The following PCDHA7 variants were observed in gnomAD, a reference collection of about 807,000 sequenced individuals.
PCDHA7 encodes the protein protocadherin alpha-7.
A neutral mutation model predicts 57.2 loss-of-function variants in PCDHA7; 37 were observed. The ratio of observed to expected loss-of-function variants is 0.65; its 90% CI spans 0.50 to 0.85. The LOEUF (loss-of-function observed/expected upper bound fraction) is 0.85, where lower values mean the gene tolerates loss of function less well. Ranked by LOEUF, PCDHA7 falls within the 40% of genes least tolerant of loss-of-function variation. The pLI, the probability that PCDHA7 is intolerant of heterozygous loss-of-function variation, is 0.00. For synonymous variants in PCDHA7, 553 were observed against 558.8 expected, an observed-to-expected ratio of 0.99 and a Z score of 0.15; for missense variants, 1,188 against 1,241.8, an observed-to-expected ratio of 0.96 and a Z score of 0.65.
intron 3 of PCDHA7, among the ~76,000 whole-genome samples, chr5:141,004,121 C>T (rs1250923202): frequency 6.6e-6 from 1 of 152,230 alleles, no homozygotes; most frequent in Non-Finnish European, 1.5e-5. Flanking sequence ...AAGGGAGTAT[C>T]TCCATGATTC....
chr5:140,875,902 G>C (rs192382804), intron 1 of PCDHA7: 14 of 1,614,160 alleles, frequency 8.7e-6, no homozygotes, highest in Non-Finnish European at 1.2e-5. Flanking sequence ...ACCTGTTTCT[G>C]AATCTGCGCC....
intron 1 of PCDHA7, among the ~76,000 whole-genome samples, chr5:140,953,432 C>T (rs1292809968): frequency 6.6e-6 from 1 of 152,108 alleles, no homozygotes; most frequent in Non-Finnish European, 1.5e-5. Context: ...TGTCCTTAAG[C>T]TGGAGAAACT....
intron 1 of PCDHA7, among the ~76,000 whole-genome samples, chr5:140,890,587 G>T (rs2062701287): frequency 6.6e-6 from 1 of 151,988 alleles, no homozygotes; most frequent in African/African-American, 2.4e-5. Flanking sequence ...TTATTTGGAA[G>T]CCCTTTTCCG....
At chr5:140,967,803 C>T (rs1042188546) in intron 1 of PCDHA7, 3 of 1,614,066 alleles carry the variant, frequency 1.9e-6, no homozygotes, top group Admixed American at 3.3e-5. Flanking sequence ...GTGCCCATGG[C>T]AGGTCACTGC....
intron 3 of PCDHA7, 79 bp downstream of exon 3, chr5:140,982,642 G>T: frequency 6.5e-7 from 1 of 1,529,982 alleles, no homozygotes; most frequent in Non-Finnish European, 8.8e-7. Flanking sequence ...GATCAGGAAT[G>T]TTGATGGCTC....
intron 2 of PCDHA7, among the ~76,000 whole-genome samples, chr5:140,980,556 G>A (rs1355966555): frequency 6.6e-6 from 1 of 152,126 alleles, no homozygotes; most frequent in Non-Finnish European, 1.5e-5. Flanking sequence ...CTTGAACCCG[G>A]GAGGCGGAAG....
In PCDHA7 at chr5:140,879,424, A is replaced by T. The variant is rs181418893; in HGVS notation, c.2355+42686A>T. Reference sequence around the variant, plus strand: ...GTATTTGAGCAGGTAGGGAATGGAGATGAACATTTAAGAAAATGTTACTTT... The same window carrying T: ...GTATTTGAGCAGGTAGGGAATGGAGTTGAACATTTAAGAAAATGTTACTTT... On this transcript the variant is annotated intron_variant, in intron 1 of 3. Coordinates refer to ENST00000525929, the MANE Select transcript of PCDHA7 (RefSeq NM_018910.3). Among the ~76,000 whole-genome samples, 1,178 of 152,344 alleles carry T rather than the reference A, an allele frequency of 7.7e-3. 4 individuals carry two copies. The highest frequency in any genetic ancestry group is 0.013 in the Admixed American group (206 of 15,298).
At chr5:140,851,276 T>C in intron 1 of PCDHA7, 3 of 1,056,768 alleles carry the variant, frequency 2.8e-6, no homozygotes, top group Non-Finnish European at 3.5e-6. Context: ...TTGTATTGTT[T>C]ATAAGAAACC....
At position 140,909,620 on chromosome 5, in the gene PCDHA7, A is replaced by G. The variant is rs576090849; in HGVS notation, c.2356-69329A>G. On this transcript the variant is annotated intron_variant, in intron 1 of 3. Transcript: ENST00000525929. Reference sequence around the variant, plus strand: ...ATTTTTCTAGGTAGAGGCAGCTCTAATTGGTCTTCCTATTTTGTCTTTTCC... The same window carrying G: ...ATTTTTCTAGGTAGAGGCAGCTCTAGTTGGTCTTCCTATTTTGTCTTTTCC... Among the ~76,000 whole-genome samples the G allele has an allele frequency of 3.8e-4, 58 of 152,240 alleles. 2 individuals carry two copies. The Middle Eastern group carries it at 0.01, about 27-fold the overall frequency.
intron 1 of PCDHA7, chr5:140,883,793 T>C (rs782783912): frequency 6.2e-7 from 1 of 1,612,328 alleles, no homozygotes; most frequent in South Asian, 1.1e-5. Flanking sequence ...GAGCTACGTG[T>C]CGGTGCACGC....
In PCDHA7 at chr5:140,998,789, C is replaced by T. The variant is rs920510450; in HGVS notation, c.2504-10838C>T. On this transcript the variant is annotated intron_variant, in intron 3 of 3. Transcript: ENST00000525929. ...ATGTTGGTCAGGCTGGTCTGGAACC[C>T]CTGACCTCAGGTGATCTGCCTGCCT... 4.6e-5 allele frequency among the ~76,000 whole-genome samples: 7 copies of T among 152,118 alleles called. 1 individual carries two copies. Among genetic ancestry groups the T allele is most frequent in the Admixed American group, 2.6e-4 (4 of 15,262 alleles).
At chr5:140,909,574 T>G (rs1363183074) in intron 1 of PCDHA7, among the ~76,000 whole-genome samples, 1 of 152,134 alleles carries the variant, frequency 6.6e-6, no homozygotes, top group Non-Finnish European at 1.5e-5. Flanking sequence ...TCCAGAGATG[T>G]GATATGTTTT....
chr5:140,873,821 T>C (rs562633), intron 1 of PCDHA7, among the ~76,000 whole-genome samples: 2,262 of 152,230 alleles, frequency 0.015, 53 homozygotes, highest in African/African-American at 0.052. Context: ...CCACCACTCC[T>C]GGCTAATTTT....
chr5:140,924,105 C>T lies in PCDHA7; in HGVS notation c.2356-54844C>T, dbSNP rs140580566. ...AGGCAGAAAGAATAAATTTTCATTC[C>T]AAAGCAGTTAGCTTGCTTAGCAGCA... is the stretch of plus-strand genomic sequence containing the variant. On this transcript the variant is annotated intron_variant, in intron 1 of 3. Coordinates refer to ENST00000525929, the MANE Select transcript of PCDHA7 (RefSeq NM_018910.3). Among the ~76,000 whole-genome samples the T allele has an allele frequency of 8.5e-5, 13 of 152,262 alleles. No homozygotes were observed. The East Asian group carries it at 2.5e-3, about 29-fold the overall frequency.
chr5:140,856,332 G>A, intron 1 of PCDHA7: 2 of 1,598,636 alleles, frequency 1.3e-6, no homozygotes, highest in East Asian at 2.2e-5. Context: ...GAGGAGCTGT[G>A]CGGGCGGAGC....
chr5:140,916,051 G>A (rs2153537424), intron 1 of PCDHA7, among the ~76,000 whole-genome samples: 1 of 152,240 alleles, frequency 6.6e-6, no homozygotes, highest in African/African-American at 2.4e-5. Context: ...ACAGGCAGAG[G>A]TGCCTCTCCC....
At chr5:140,849,121 A>T (rs2150430770) in intron 1 of PCDHA7, 1 of 1,407,396 alleles carries the variant, frequency 7.1e-7, no homozygotes. Flanking sequence ...CCGGAGCTTC[A>T]TTTATTGCTC....
rs782420685 is a variant in PCDHA7, at chr5:140,978,941, T to G, written c.2356-8T>G. 1 of 1,614,158 alleles carries G rather than the reference T, an allele frequency of 6.2e-7. No homozygotes were observed. The highest frequency in any genetic ancestry group is 2.2e-5 in the East Asian group (1 of 44,880). On this transcript the variant is annotated splice_region_variant and splice_polypyrimidine_tract_variant and intron_variant, in intron 1 of 3. Transcript: ENST00000525929. ...TTTTAACAGAAAACTCTCTTTGTGA[T>G]TTTGCAGCCACGACAGCCCAACCCT...
chr5:140,986,945 C>T (rs1295830111), intron 3 of PCDHA7, among the ~76,000 whole-genome samples: 1 of 151,946 alleles, frequency 6.6e-6, no homozygotes, highest in Non-Finnish European at 1.5e-5. Flanking sequence ...TGGGTGTGGT[C>T]GCTCATGCCT....
Sources: gnomAD v4.1 joint callset for allele counts (sites outside exome capture counted in the v4.1 genomes callset) on GRCh38, gnomAD v4.1.1 for gene constraint, MANE v1.5 for transcripts, NCBI Gene and HGNC (gene_info 2026-07-23, HGNC 2026-07-21) for gene names.